The following ADGRF4 variants were observed in gnomAD, a reference collection of about 807,000 sequenced individuals.
The protein encoded by ADGRF4 is adhesion G protein-coupled receptor F4, also known as G-protein coupled receptor PGR18.
A neutral mutation model predicts 58.5 loss-of-function variants in ADGRF4; 63 were observed. That is an observed-to-expected ratio of 1.08 (90% CI 0.88 to 1.33). ADGRF4 has a LOEUF of 1.33. Among genes scored for constraint, ADGRF4 ranks in the 40% most tolerant of loss-of-function variants. The pLI, the probability that ADGRF4 is intolerant of heterozygous loss-of-function variation, is 0.00. For synonymous variants in ADGRF4, 313 were observed against 295.4 expected (o/e 1.06, Z -0.61); for missense variants, 931 against 843.9 (o/e 1.10, Z -1.28).
At chr6:47,710,912 AC>A in intron 4 of ADGRF4, 26 bp downstream of exon 4, 1 of 1,600,442 alleles carries the variant, frequency 6.2e-7, no homozygotes, top group Non-Finnish European at 8.5e-7. Context: ...ATTATTGGTG[AC>A]AGAAGCCAAT....
intron 7 of ADGRF4, 150 bp downstream of exon 7, chr6:47,716,997 C>A (rs1163646859): frequency 1.7e-5 from 11 of 641,782 alleles, no homozygotes; most frequent in African/African-American, 1.3e-4. Context: ...AAAAAAAAAA[C>A]ACACCAATAT....
At chr6:47,718,095 A>T (rs1201103972) in intron 8 of ADGRF4, among the ~76,000 whole-genome samples, 1 of 152,244 alleles carries the variant, frequency 6.6e-6, no homozygotes, top group Non-Finnish European at 1.5e-5. Context: ...ATTCTAAGAT[A>T]GGCATTTTCT....
chr6:47,700,642 A>G (rs1771569642), intron 1 of ADGRF4, among the ~76,000 whole-genome samples: 1 of 152,064 alleles, frequency 6.6e-6, no homozygotes, highest in African/African-American at 2.4e-5. Context: ...TTTCCTGCTC[A>G]ATTCTTTTTT....
chr6:47,710,781 C>A lies in ADGRF4; in HGVS notation c.195C>A (p.Pro65=). The stretch of plus-strand genomic sequence containing the variant: ...TTTCTTCTTCCAACTGCAGCCAGCC[C>A]TGTGCTAAGGACTTTCATGGAGAAA... ...PCISSSNCSQ[P]CAKDFHGEIG... Residue 65 remains proline, a synonymous_variant, in exon 4 of 10, where the codon CCC becomes CCA. Transcript: ENST00000283303. 1 of 1,612,714 alleles carries A rather than the reference C, an allele frequency of 6.2e-7. No homozygotes were observed. The highest frequency in any genetic ancestry group is 8.5e-7 in the Non-Finnish European group (1 of 1,179,358).
At chr6:47,715,340 T>G (rs1011748432) in intron 6 of ADGRF4, 163 bp downstream of exon 6, 5 of 588,792 alleles carry the variant, frequency 8.5e-6, no homozygotes, top group African/African-American at 7.4e-5. Context: ...CAAGTTGAAT[T>G]TAGCTGACCA....
At chr6:47,703,282 A>T (rs1280493724) in intron 1 of ADGRF4, among the ~76,000 whole-genome samples, 3 of 152,212 alleles carry the variant, frequency 2.0e-5, no homozygotes, top group Admixed American at 6.5e-5. Context: ...AGGATAAATT[A>T]TGCTGCCAAA....
In ADGRF4 at chr6:47,712,180, T is replaced by C. The variant is rs75882368; in HGVS notation, c.301-177T>C. On this transcript the variant is annotated intron_variant, in intron 4 of 9. Coordinates refer to ENST00000283303, the MANE Select transcript of ADGRF4 (RefSeq NM_153838.5). ...GTTTCTGGTAATTTGGGTGAAATCC[T>C]CTGCCTCTTTCTGATCCCACTGTAT... Among the ~76,000 whole-genome samples, 659 of 152,342 alleles carry C rather than the reference T, an allele frequency of 4.3e-3. 3 individuals carry two copies. The highest frequency in any genetic ancestry group is 0.014 in the African/African-American group (574 of 41,580).
At chr6:47,719,709 G>T (rs1401472147) in intron 9 of ADGRF4, among the ~76,000 whole-genome samples, 1 of 152,146 alleles carries the variant, frequency 6.6e-6, no homozygotes, top group African/African-American at 2.4e-5. Flanking sequence ...CGTAGTGAAG[G>T]CCTTATCTCC....
rs779379678 is a variant in ADGRF4, at chr6:47,714,487, A to C, written c.1242A>C (p.Leu414=). The C allele has an allele frequency of 1.9e-6, 3 of 1,614,068 alleles. No individual in the cohort carries two copies. In the East Asian group the frequency reaches 6.7e-5, roughly 36 times the overall value. Residue 414 remains leucine, a synonymous_variant, in exon 6 of 10, where the codon CTA becomes CTC. Transcript: ENST00000283303. ...GCATTGGGCTCAGCGTCTCAATCCT[A>C]AGCTTGGTTCTTTGCCTGATCATTG... is the stretch of plus-strand genomic sequence containing the variant. ...ITCIGLSVSI[L]SLVLCLIIEA... is the part of the protein sequence containing the mutation.
chr6:47,707,442 TG>T (rs1173889354), intron 2 of ADGRF4, 104 bp downstream of exon 2: 1 of 757,668 alleles, frequency 1.3e-6, no homozygotes, highest in East Asian at 2.6e-5. Context: ...CATTTTCAAA[TG>T]GTTACAACTT....
chr6:47,718,539 C>A lies in ADGRF4; in HGVS notation c.*3+94C>A, dbSNP rs139293188. 1.2e-3 allele frequency: 902 copies of A among 774,386 alleles called. 1 individual carries two copies. The highest frequency in any genetic ancestry group is 1.9e-3 in the Non-Finnish European group (793 of 422,672). 48.0% of individuals were successfully genotyped at this position (774,386 alleles called of 1,614,324 possible). A position where few individuals can be genotyped will look rare whatever the true frequency, so the allele number is the denominator to read the frequency against. On this transcript the variant is annotated intron_variant, in intron 9 of 9. Coordinates refer to ENST00000283303, the MANE Select transcript of ADGRF4 (RefSeq NM_153838.5). The stretch of plus-strand genomic sequence containing the variant: ...CCACACTATTGCCTGCTACGTGCTG[C>A]CAGAATGAGGTGGGAGGGGAAGAGG...
chr6:47,705,469 T>C lies in ADGRF4; in HGVS notation c.-16-1761T>C, dbSNP rs76424135. Among the ~76,000 whole-genome samples the C allele has an allele frequency of 4.3e-3, 661 of 152,318 alleles. 3 individuals are homozygous for C. Among genetic ancestry groups the C allele is most frequent in the African/African-American group, 0.014 (576 of 41,574 alleles). ...TCATAATCCCAGCTCCTATCAAATC[T>C]ATTACCACACCTTGCCTGTCATGCT... On this transcript the variant is annotated intron_variant, in intron 1 of 9. Coordinates refer to ENST00000283303, the MANE Select transcript of ADGRF4 (RefSeq NM_153838.5).
At chr6:47,715,475 T>A (rs1190765683) in intron 6 of ADGRF4, 1 of 251,046 alleles carries the variant, frequency 4.0e-6, no homozygotes, top group African/African-American at 2.2e-5. Context: ...CAGGGATATG[T>A]GAGGCTACAT....
In ADGRF4 at chr6:47,710,868, T is replaced by C. The variant is rs763636234; in HGVS notation, c.282T>C (p.Ser94=). ...CAGCTGAAACATGTACAAGCCTTTC[T>C]GTGGAAAAACTCTTTAAGGTGATGC... The part of the protein sequence containing the change: ...QKSAETCTSL[S]VEKLFKDSTG... Residue 94 remains serine, a synonymous_variant, in exon 4 of 10, where the codon TCT becomes TCC. Coordinates refer to ENST00000283303, the MANE Select transcript of ADGRF4 (RefSeq NM_153838.5). 2.5e-6 allele frequency: 4 copies of C among 1,612,766 alleles called. No homozygotes were observed. The highest frequency in any genetic ancestry group is 2.5e-6 in the Non-Finnish European group (3 of 1,179,694).
Position 47,712,496 on chromosome 6 carries a change from C to G in ADGRF4, c.440C>G (p.Thr147Ser), listed in dbSNP as rs746201302. ...KNCPFDYACI[T>S]DMVKSSETTS... ...TGCCCCTTTGATTATGCCTGCATCA[C>G]TGACATGGTGAAATCATCAGAAACA... The change falls in exon 5 of 10, where the codon ACT (threonine) becomes AGT (serine). Residue 147 changes from threonine (T) to serine (S), a missense_variant. Coordinates refer to ENST00000283303, the MANE Select transcript of ADGRF4 (RefSeq NM_153838.5). 2.5e-5 allele frequency: 40 copies of G among 1,613,846 alleles called. No homozygotes were observed. In the East Asian group the frequency reaches 4.9e-4, roughly 20 times the overall value.
intron 1 of ADGRF4, among the ~76,000 whole-genome samples, 192 bp from the exon 2 acceptor site, chr6:47,707,038 A>G (rs955377295): frequency 6.6e-6 from 1 of 152,154 alleles, no homozygotes; most frequent in Admixed American, 6.5e-5. Context: ...CAGTTGAGAG[A>G]AATTATTTTC....
At chr6:47,708,401 T>G in intron 3 of ADGRF4, 123 bp downstream of exon 3, 1 of 686,250 alleles carries the variant, frequency 1.5e-6, no homozygotes, top group Non-Finnish European at 2.6e-6. Context: ...CTCCAGTAAG[T>G]CCTCTGTGCT....
chr6:47,713,475 A>G (rs1190437262), intron 5 of ADGRF4, among the ~76,000 whole-genome samples: 1 of 152,198 alleles, frequency 6.6e-6, no homozygotes, highest in Non-Finnish European at 1.5e-5. Flanking sequence ...GGATGACCAG[A>G]GAACATACCT....
rs758039443 is a variant in ADGRF4, at chr6:47,714,820, C to A, written c.1575C>A (p.Cys525Ter). 5 of 1,612,852 alleles carry A rather than the reference C, an allele frequency of 3.1e-6. No individual in the cohort carries two copies. In the African/African-American group the frequency reaches 6.7e-5, roughly 22 times the overall value. Reference protein sequence around the residue: ...MVIGFAIGYGCPLIIAVTTVA... With the variant: ...MVIGFAIGYG ...TTGGCTTTGCCATTGGCTATGGGTG[C>A]CCATTGATCATTGCTGTCACTACAG... The change falls in exon 6 of 10, where the codon TGC becomes TGA. Residue 525 changes from cysteine to a stop codon, truncating the protein, a stop_gained. Coordinates refer to ENST00000283303, the MANE Select transcript of ADGRF4 (RefSeq NM_153838.5). LOFTEE classifies it high-confidence loss of function.
Sources: gnomAD v4.1 joint callset for allele counts (sites outside exome capture counted in the v4.1 genomes callset) on GRCh38, gnomAD v4.1.1 for gene constraint, MANE v1.5 for transcripts, NCBI Gene and HGNC (gene_info 2026-07-23, HGNC 2026-07-21) for gene names.